Variants in COPB1 observed in about 807,000 individuals in gnomAD.
The protein encoded by COPB1 is coat protein complex I subunit beta 1.
In COPB1, 21 loss-of-function variants were observed where a neutral mutation model predicts 108.7. That is an observed-to-expected ratio of 0.19 (90% CI 0.14 to 0.28). The LOEUF is 0.28. Among genes scored for constraint, COPB1 ranks in the 10% least tolerant of loss-of-function variants. COPB1 has a pLI of 1.00. For synonymous variants in COPB1, 378 were observed against 386.8 expected, an observed-to-expected ratio of 0.98 and a Z score of 0.27; for missense variants, 919 against 1,141.3, an observed-to-expected ratio of 0.81 and a Z score of 2.81.
At chr11:14,461,610 G>C (rs141963689) in intron 18 of COPB1, among the ~76,000 whole-genome samples, 2 of 152,208 alleles carry the variant, frequency 1.3e-5, no homozygotes, top group African/African-American at 4.8e-5. Context: ...TAAGTGGTGG[G>C]GATAGGATTC....
chr11:14,458,033 G>T, intron 21 of COPB1, 150 bp from the exon 22 acceptor site: 1 of 381,256 alleles, frequency 2.6e-6, no homozygotes, highest in Non-Finnish European at 4.7e-6. Flanking sequence ...AACTTTACTG[G>T]TAATTACCTT....
intron 10 of COPB1, among the ~76,000 whole-genome samples, chr11:14,480,097 C>A (rs1850629052): frequency 6.6e-6 from 1 of 152,286 alleles, no homozygotes; most frequent in Non-Finnish European, 1.5e-5. Flanking sequence ...AAGTGCCATG[C>A]CTGACCCTTG....
At chr11:14,493,374 G>A (rs1660583436) in intron 4 of COPB1, among the ~76,000 whole-genome samples, 1 of 152,134 alleles carries the variant, frequency 6.6e-6, no homozygotes, top group South Asian at 2.1e-4. Context: ...GGTTGAGAAT[G>A]ACAAGCACTG....
At chr11:14,477,150 G>C in intron 11 of COPB1, 135 bp from the exon 12 acceptor site, 1 of 601,356 alleles carries the variant, frequency 1.7e-6, no homozygotes, top group Non-Finnish European at 3.0e-6. Flanking sequence ...TTGGGAGGCC[G>C]AGGCGGGCGG....
At chr11:14,488,190 C>T (rs1420019708) in intron 6 of COPB1, among the ~76,000 whole-genome samples, 1 of 151,980 alleles carries the variant, frequency 6.6e-6, no homozygotes, top group Admixed American at 6.6e-5. Flanking sequence ...TATTTTAAAG[C>T]CTAATTATAA....
chr11:14,488,615 T>C, intron 5 of COPB1, 31 bp from the exon 6 acceptor site: 1 of 1,433,750 alleles, frequency 7.0e-7, no homozygotes, highest in Non-Finnish European at 9.7e-7. Flanking sequence ...TTTATCATTC[T>C]CCACCTCATT....
chr11:14,481,129 C>A (rs367718581), intron 8 of COPB1, 32 bp from the exon 9 acceptor site: 24 of 1,529,510 alleles, frequency 1.6e-5, no homozygotes, highest in Non-Finnish European at 2.0e-5. Flanking sequence ...AGAATTAACA[C>A]CAATCTTTCT....
intron 14 of COPB1, among the ~76,000 whole-genome samples, chr11:14,471,855 G>T (rs889180003): frequency 2.0e-5 from 3 of 152,212 alleles, no homozygotes; most frequent in Non-Finnish European, 4.4e-5. Flanking sequence ...CCAGGAGGCG[G>T]AGGTTGCAGT....
intron 4 of COPB1, among the ~76,000 whole-genome samples, chr11:14,493,012 G>C (rs1471506217): frequency 1.3e-5 from 2 of 152,098 alleles, no homozygotes; most frequent in African/African-American, 2.4e-5. Context: ...TGGGCGTGGT[G>C]GTGGGTGCCT....
intron 4 of COPB1, 103 bp from the exon 5 acceptor site, chr11:14,490,782 C>A: frequency 4.7e-6 from 3 of 638,234 alleles, no homozygotes. Flanking sequence ...AACTTTACAA[C>A]ATACTTTTGC....
chr11:14,467,877 G>A (rs148859218), intron 16 of COPB1, among the ~76,000 whole-genome samples: 3 of 152,120 alleles, frequency 2.0e-5, no homozygotes, highest in Admixed American at 6.6e-5. Context: ...GTGGCTAGGG[G>A]TAAGTAGAGG....
chr11:14,486,400 T>C lies in COPB1; in HGVS notation c.804A>G (p.Leu268=). ...PAVKYEAAGT[L]VTLSSAPTAI... is the part of the protein sequence containing the mutation. ...CAGTTGGTGCACTAGAGAGTGTCAC[T>C]AATGTCCCAGCAGCTTCATATTTTA... Residue 268 remains leucine, a synonymous_variant, in exon 7 of 22, where the codon TTA becomes TTG. Transcript: ENST00000439561. 1 of 1,614,178 alleles carries C rather than the reference T, an allele frequency of 6.2e-7. No homozygotes were observed. Among genetic ancestry groups the C allele is most frequent in the South Asian group, 1.1e-5 (1 of 91,092 alleles).
intron 10 of COPB1, 108 bp downstream of exon 10, chr11:14,480,651 G>A: frequency 9.6e-7 from 1 of 1,041,746 alleles, no homozygotes; most frequent in Non-Finnish European, 1.4e-6. Context: ...CTCACCATGA[G>A]ATTTAATGGT....
intron 4 of COPB1, among the ~76,000 whole-genome samples, chr11:14,492,469 G>C (rs1589968792): frequency 6.6e-6 from 1 of 152,130 alleles, no homozygotes; most frequent in East Asian, 1.9e-4. Flanking sequence ...TCAGCCTCCT[G>C]AGTAGCTAGG....
chr11:14,458,799 T>C, intron 20 of COPB1, 112 bp from the exon 21 acceptor site: 1 of 1,001,086 alleles, frequency 1.0e-6, no homozygotes, highest in Non-Finnish European at 1.4e-6. Flanking sequence ...AGTCTCACTC[T>C]GTTGTCCAGC....
intron 14 of COPB1, 164 bp downstream of exon 14, chr11:14,474,331 T>C (rs1850469961): frequency 2.0e-6 from 1 of 508,414 alleles, no homozygotes; most frequent in South Asian, 3.7e-5. Context: ...GAAGATACTT[T>C]ATCAATTTTA....
chr11:14,484,096 T>C (rs1850717229), intron 7 of COPB1, among the ~76,000 whole-genome samples: 1 of 152,106 alleles, frequency 6.6e-6, no homozygotes, highest in South Asian at 2.1e-4. Context: ...ACAACCTCAA[T>C]CTGAGAAAAC....
Position 14,486,421 on chromosome 11 carries a change from T to C in COPB1, c.783A>G (p.Lys261=). The change falls in exon 7 of 22, where the codon AAA becomes AAG. Residue 261 remains lysine, a synonymous_variant. Transcript: ENST00000439561. ...NLLQSSSPAV[K]YEAAGTLVTL... is the part of the protein sequence containing the mutation. The stretch of plus-strand genomic sequence containing the variant: ...TCACTAATGTCCCAGCAGCTTCATA[T>C]TTTACAGCAGGGCTGGATGACTGTA... 3.1e-6 allele frequency: 5 copies of C among 1,614,174 alleles called. No individual in the cohort carries two copies. Among genetic ancestry groups the C allele is most frequent in the Non-Finnish European group, 4.2e-6 (5 of 1,180,018 alleles).
At chr11:14,492,308 A>C (rs978849343) in intron 4 of COPB1, among the ~76,000 whole-genome samples, 35 of 151,904 alleles carry the variant, frequency 2.3e-4, no homozygotes, top group Non-Finnish European at 4.4e-5. Context: ...GGTAACATTA[A>C]AGGAACTCAC....
Sources: allele counts gnomAD v4.1 joint callset (sites outside exome capture counted in the v4.1 genomes callset), GRCh38; gene constraint gnomAD v4.1.1; transcripts MANE v1.5; gene names NCBI Gene and HGNC (gene_info 2026-07-23, HGNC 2026-07-21).